Variants in PCBP3 observed in about 807,000 individuals in gnomAD.
PCBP3 encodes poly(rC) binding protein 3, also known as poly(rC)-binding protein 3.
In PCBP3, 25 loss-of-function variants were observed where a neutral mutation model predicts 52.7. The observed-to-expected ratio is 0.47, with a 90% confidence interval of 0.35 to 0.66. The LOEUF is 0.66. PCBP3 is among the 30% of genes least tolerant of loss of function. PCBP3 has a pLI of 0.01. For synonymous variants in PCBP3, 162 were observed against 183.0 expected (o/e 0.89, Z 0.93); for missense variants, 391 against 490.3 (o/e 0.80, Z 1.91).
intron 7 of PCBP3, 116 bp downstream of exon 7, chr21:45,899,738 GT>G: frequency 1.3e-6 from 1 of 744,852 alleles, no homozygotes. Context: ...CAGTTGGTGG[GT>G]GGTCTGTGTT....
chr21:45,731,419 A>G (rs562902335), intron 2 of PCBP3, among the ~76,000 whole-genome samples: 95 of 152,338 alleles, frequency 6.2e-4, no homozygotes, highest in Non-Finnish European at 1.1e-3. Flanking sequence ...ATGCTTCTAC[A>G]TACATCACAG....
At chr21:45,931,302 G>T (rs955013472) in intron 15 of PCBP3, among the ~76,000 whole-genome samples, 1 of 152,228 alleles carries the variant, frequency 6.6e-6, no homozygotes, top group Non-Finnish European at 1.5e-5. Flanking sequence ...GGCTTAGCAG[G>T]TTCCTAGGTG....
At chr21:45,874,169 C>T (rs1374002206) in intron 5 of PCBP3, among the ~76,000 whole-genome samples, 1 of 152,248 alleles carries the variant, frequency 6.6e-6, no homozygotes, top group Non-Finnish European at 1.5e-5. Flanking sequence ...AGCTACATTG[C>T]TGCAGCTTCA....
chr21:45,885,094 C>T (rs966714707), intron 5 of PCBP3, among the ~76,000 whole-genome samples: 16 of 152,322 alleles, frequency 1.1e-4, no homozygotes, highest in African/African-American at 3.8e-4. Context: ...AGCGTAGGCA[C>T]GCTGGCAGCA....
chr21:45,882,791 C>T (rs1488614987), intron 5 of PCBP3, among the ~76,000 whole-genome samples: 5 of 152,148 alleles, frequency 3.3e-5, no homozygotes, highest in East Asian at 1.9e-4. Flanking sequence ...TGTCCTTCCC[C>T]GTGTGTGTTC....
chr21:45,936,409 G>A (rs1298355059), intron 16 of PCBP3, among the ~76,000 whole-genome samples: 1 of 152,216 alleles, frequency 6.6e-6, no homozygotes, highest in Non-Finnish European at 1.5e-5. Flanking sequence ...TCTGCTAAAA[G>A]AAGCTCAGGA....
intron 4 of PCBP3, among the ~76,000 whole-genome samples, chr21:45,832,359 C>G: frequency 6.6e-6 from 1 of 152,192 alleles, no homozygotes; most frequent in East Asian, 1.9e-4. Flanking sequence ...CTTTATGACC[C>G]TGTATCTTGT....
At chr21:45,863,895 C>T (rs115153751) in intron 5 of PCBP3, among the ~76,000 whole-genome samples, 2,911 of 152,192 alleles carry the variant, frequency 0.019, 78 homozygotes, top group African/African-American at 0.064. Flanking sequence ...CTAGAGGAAC[C>T]GCATAGCCGT....
At chr21:45,937,876 C>T (rs559053948) in intron 16 of PCBP3, among the ~76,000 whole-genome samples, 1 of 152,372 alleles carries the variant, frequency 6.6e-6, no homozygotes, top group South Asian at 2.1e-4. Flanking sequence ...GTGCTGTTCA[C>T]CTTGGCATTT....
Position 45,821,628 on chromosome 21 carries a change from G to C in PCBP3, c.-125-28333G>C, listed in dbSNP as rs756060267. Among the ~76,000 whole-genome samples, 1 of 152,026 alleles carries C rather than the reference G, an allele frequency of 6.6e-6. No homozygotes were observed. Among genetic ancestry groups the C allele is most frequent in the South Asian group, 2.1e-4 (1 of 4,806 alleles). ...ACCTGTCTCCCTGGTTCTTGTTCTG[G>C]CTTCTCCACGGGACCCTCCTGTCCT... On this transcript the variant is annotated intron_variant, in intron 4 of 17. Transcript: ENST00000681687. This position sits in a 1 kb window ranked among gnomAD's most constrained non-coding sequence, Gnocchi z 4.4.
At chr21:45,894,367 T>G (rs930356866) in intron 5 of PCBP3, among the ~76,000 whole-genome samples, 5 of 141,290 alleles carry the variant, frequency 3.5e-5, no homozygotes, top group South Asian at 2.3e-4. Context: ...GGGAGGAGAG[T>G]TTTTAATTAA....
rs1057436939 is a variant in PCBP3, at chr21:45,841,801, A to C, written c.-125-8160A>C. Reference sequence around the variant, plus strand: ...AGCATTCCTAGCCTCAGCAACCAAGAGGTCTCTCTGTTATTACGGTGAAAT... The same window carrying C: ...AGCATTCCTAGCCTCAGCAACCAAGCGGTCTCTCTGTTATTACGGTGAAAT... On this transcript the variant is annotated intron_variant, in intron 4 of 17. Coordinates refer to ENST00000681687, the MANE Select transcript of PCBP3 (RefSeq NM_001384156.1). Among the ~76,000 whole-genome samples the C allele has an allele frequency of 6.5e-4, 99 of 152,198 alleles. 1 individual carries two copies. Among genetic ancestry groups the C allele is most frequent in the Admixed American group, 2.8e-3 (43 of 15,274 alleles).
intron 13 of PCBP3, among the ~76,000 whole-genome samples, chr21:45,922,625 T>G (rs1472820405): frequency 6.6e-6 from 1 of 152,236 alleles, no homozygotes; most frequent in South Asian, 2.1e-4. Flanking sequence ...AATCACTCCC[T>G]TACTTAACGT....
chr21:45,846,206 G>T (rs1013221050), intron 4 of PCBP3, among the ~76,000 whole-genome samples: 3 of 152,122 alleles, frequency 2.0e-5, no homozygotes, highest in Non-Finnish European at 2.9e-5. Flanking sequence ...GACTTGTTAG[G>T]GAGATATCTA....
At chr21:45,930,022 CCTT>C (rs776666901) in intron 14 of PCBP3, 27 bp downstream of exon 14, 1 of 1,508,260 alleles carries the variant, frequency 6.6e-7, no homozygotes, top group Non-Finnish European at 9.2e-7. Context: ...TTTCTCACCT[CCTT>C]CTCTTCTCAC....
intron 1 of PCBP3, among the ~76,000 whole-genome samples, chr21:45,664,019 TC>T (rs1211791156): frequency 2.4e-5 from 1 of 41,618 alleles, no homozygotes; most frequent in African/African-American, 6.2e-5. Context: ...TCTTTTTTTT[TC>T]TTTTTTTTTT....
intron 4 of PCBP3, among the ~76,000 whole-genome samples, chr21:45,806,868 G>C (rs187728707): frequency 6.6e-6 from 1 of 152,268 alleles, no homozygotes. Context: ...CCTTGCTCTT[G>C]TTCTTTCTCA....
chr21:45,759,740 C>T (rs538359676), intron 4 of PCBP3: 3 of 152,206 alleles, frequency 2.0e-5, no homozygotes, highest in African/African-American at 2.4e-5. Context: ...TAATGGTTAA[C>T]AGTTTTCTAG....
At chr21:45,920,572 A>G (rs2074300578) in intron 13 of PCBP3, among the ~76,000 whole-genome samples, 1 of 152,226 alleles carries the variant, frequency 6.6e-6, no homozygotes, top group Non-Finnish European at 1.5e-5. Flanking sequence ...GTTGGAACCT[A>G]ATCACCAAGG....
Sources: gnomAD v4.1 joint callset for allele counts (sites outside exome capture counted in the v4.1 genomes callset) on GRCh38, gnomAD v4.1.1 for gene constraint, Gnocchi (gnomAD v3.1) non-coding constraint, MANE v1.5 for transcripts, NCBI Gene and HGNC (gene_info 2026-07-23, HGNC 2026-07-21) for gene names.